ELMO1: variants seen among roughly 807,000 people sequenced by gnomAD.
The protein encoded by ELMO1 is engulfment and cell motility protein 1.
Under a neutral mutation model 98.9 loss-of-function variants are expected in ELMO1, and 26 were observed. The ratio of observed to expected loss-of-function variants is 0.26; its 90% CI spans 0.19 to 0.36. ELMO1 has a LOEUF of 0.36. Ranked by LOEUF, ELMO1 falls within the 10% of genes least tolerant of loss-of-function variation. The pLI is 1.00. For synonymous variants in ELMO1, 346 were observed against 346.0 expected (o/e 1.00, Z 0.00); for missense variants, 627 against 935.2 (o/e 0.67, Z 4.30).
rs542258868 is a variant in ELMO1 at position 37,139,658 on chromosome 7, T to C, written c.1087-6424A>G. On this transcript the variant is annotated intron_variant, in intron 13 of 21. Coordinates refer to ENST00000310758, the MANE Select transcript of ELMO1 (RefSeq NM_014800.11). The stretch of plus-strand genomic sequence containing the variant: ...CATACTGTCAAAAGCAGTTTACAAA[T>C]TCAATGCAATTCCTATCCAAATACC... Among the ~76,000 whole-genome samples, 3 of 152,186 alleles carry C rather than the reference T, an allele frequency of 2.0e-5. No individual in the cohort carries two copies. The South Asian group carries it at 6.2e-4, about 32-fold the overall frequency.
chr7:37,096,647 T>C lies in ELMO1; in HGVS notation c.1272A>G (p.Leu424=), dbSNP rs745983510. 2.5e-6 allele frequency: 4 copies of C among 1,614,020 alleles called. No homozygotes were observed. Among genetic ancestry groups the C allele is most frequent in the African/African-American group, 1.3e-5 (1 of 74,946 alleles). ...ACTCGCCCACTTTCAAGATCTCACATAGCATCTTGGTCAGCTCTATACTAC... is the reference window on the plus strand; with the variant it reads ...ACTCGCCCACTTTCAAGATCTCACACAGCATCTTGGTCAGCTCTATACTAC... ...GRSSIELTKM[L]CEILKVGELP... Residue 424 remains leucine, a synonymous_variant, in exon 15 of 22, where the codon CTA becomes CTG. Transcript: ENST00000310758.
chr7:37,013,345 T>A lies in ELMO1; in HGVS notation c.1391A>T (p.Asn464Ile). 6.2e-7 allele frequency: 1 copy of A among 1,614,118 alleles called. No individual in the cohort carries two copies. Among genetic ancestry groups the A allele is most frequent in the Admixed American group, 1.7e-5 (1 of 60,022 alleles). Residue 464 changes from asparagine (N) to isoleucine (I), a missense_variant, in exon 16 of 22, where the codon AAC becomes ATC. This residue lies in a region of ELMO1 where 492 missense variants were observed against 715.6 expected (regional missense o/e 0.69). Transcript: ENST00000310758. ...EFFCICIQLL[N>I]KTWKEMRATS... ...TGCCCTCATTTCCTTCCATGTCTTG[T>A]TCAGGAGCTGGATACAGATGCAGAA... is the stretch of plus-strand genomic sequence containing the variant.
intron 16 of ELMO1, among the ~76,000 whole-genome samples, chr7:37,010,088 G>A (rs1381790961): frequency 6.6e-6 from 1 of 152,170 alleles, no homozygotes; most frequent in Non-Finnish European, 1.5e-5. Context: ...AAAAAGGCTA[G>A]TGGAGGCGGA....
chr7:37,221,543 T>C (rs73108969), intron 10 of ELMO1, among the ~76,000 whole-genome samples: 181 of 152,118 alleles, frequency 1.2e-3, no homozygotes, highest in Middle Eastern at 3.4e-3. Flanking sequence ...GATTTTGAGG[T>C]GTGACCTAAA....
rs1801981624 is a variant in ELMO1 at position 36,853,356 on chromosome 7, C to T, written c.*2195G>A. On this transcript the variant is annotated 3_prime_UTR_variant, in exon 22 of 22. Transcript: ENST00000310758. ...CACAGGACAGATACATTTCTTAAAC[C>T]CAGTGTCTCAGGACCTCAGAGATCC... 6.6e-6 allele frequency among the ~76,000 whole-genome samples: 1 copy of T among 152,140 alleles called. No homozygotes were observed. Among genetic ancestry groups the T allele is most frequent in the Non-Finnish European group, 1.5e-5 (1 of 68,024 alleles).
chr7:37,159,220 G>A (rs62459284), intron 13 of ELMO1, among the ~76,000 whole-genome samples: 47,502 of 152,124 alleles, frequency 0.31, 9,159 homozygotes, highest in Non-Finnish European at 0.44. Context: ...GTTGATGGGT[G>A]CAGCAAACAA....
chr7:36,964,938 C>G (rs1789281907), intron 16 of ELMO1, among the ~76,000 whole-genome samples: 1 of 152,152 alleles, frequency 6.6e-6, no homozygotes, highest in African/African-American at 2.4e-5. Context: ...TACAAGTTCT[C>G]CAACTGGCCT....
intron 16 of ELMO1, among the ~76,000 whole-genome samples, chr7:36,922,261 C>G (rs927515547): frequency 5.6e-5 from 8 of 143,082 alleles, no homozygotes; most frequent in Middle Eastern, 3.8e-3. Context: ...TCAAAATTCA[C>G]AAAAGCTCAT....
intron 14 of ELMO1, among the ~76,000 whole-genome samples, chr7:37,123,225 A>G (rs1031707721): frequency 1.3e-5 from 2 of 152,210 alleles, no homozygotes; most frequent in Admixed American, 6.5e-5. Context: ...AATTTAAAGA[A>G]CTAGAGAAGC....
chr7:37,147,788 A>C (rs915055922), intron 13 of ELMO1, among the ~76,000 whole-genome samples: 4 of 152,060 alleles, frequency 2.6e-5, no homozygotes, highest in Non-Finnish European at 4.4e-5. Flanking sequence ...AGTGGCCAGA[A>C]AGAAGCAGAT....
At chr7:36,896,023 G>C (rs1204377123) in intron 16 of ELMO1, among the ~76,000 whole-genome samples, 1 of 152,190 alleles carries the variant, frequency 6.6e-6, no homozygotes, top group African/African-American at 2.4e-5. Flanking sequence ...TGGCTGAACT[G>C]GGACTGGATA....
intron 5 of ELMO1, among the ~76,000 whole-genome samples, chr7:37,267,038 TACACAC>T (rs60344761): frequency 0.13 from 13,194 of 100,238 alleles, 1,752 homozygotes; most frequent in Middle Eastern, 0.18. Context: ...TATGTATATA[TACACAC>T]ACACACACAC....
chr7:36,923,007 C>T (rs192036368), intron 16 of ELMO1, among the ~76,000 whole-genome samples: 45 of 152,312 alleles, frequency 3.0e-4, no homozygotes, highest in African/African-American at 1.1e-3. Flanking sequence ...CCCAGTCCCT[C>T]GTCTGGAAGG....
intron 1 of ELMO1, among the ~76,000 whole-genome samples, chr7:37,442,649 C>T (rs1206433474): frequency 6.6e-6 from 1 of 152,198 alleles, no homozygotes; most frequent in East Asian, 1.9e-4. Context: ...CATTGACTCT[C>T]AAAACTAAGG....
At chr7:37,073,579 T>C (rs1409176376) in intron 15 of ELMO1, among the ~76,000 whole-genome samples, 1 of 151,556 alleles carries the variant, frequency 6.6e-6, no homozygotes, top group Non-Finnish European at 1.5e-5. Context: ...TGTATGTGTG[T>C]GTGTGTGTGT....
intron 1 of ELMO1, among the ~76,000 whole-genome samples, chr7:37,428,908 G>T (rs1804816697): frequency 6.6e-6 from 1 of 152,198 alleles, no homozygotes; most frequent in Non-Finnish European, 1.5e-5. Flanking sequence ...AAATAGTGTG[G>T]GATGGTGCCA....
intron 16 of ELMO1, among the ~76,000 whole-genome samples, chr7:36,901,912 G>A (rs1783594847): frequency 6.6e-6 from 1 of 152,094 alleles, no homozygotes; most frequent in African/African-American, 2.4e-5. Context: ...AGGACAAATC[G>A]AACAGAATCG....
chr7:37,157,370 C>A (rs1286048862), intron 13 of ELMO1, among the ~76,000 whole-genome samples: 2 of 152,154 alleles, frequency 1.3e-5, no homozygotes, highest in African/African-American at 4.8e-5. Context: ...AAGAGGAAGT[C>A]AAATTGTCTC....
In ELMO1 at chr7:37,268,917, T is replaced by A. The variant is rs543797603; in HGVS notation, c.243+2915A>T. Among the ~76,000 whole-genome samples, 16 of 152,314 alleles carry A rather than the reference T, an allele frequency of 1.1e-4. No individual in the cohort carries two copies. The South Asian group carries it at 3.1e-3, about 30-fold the overall frequency. ...AAACTCAGCATAGCTACACGTTACA[T>A]AAAAACAGCAGTGTGTGTGTGTGCA... On this transcript the variant is annotated intron_variant, in intron 5 of 21. Coordinates refer to ENST00000310758, the MANE Select transcript of ELMO1 (RefSeq NM_014800.11).
Sources: allele counts gnomAD v4.1 joint callset (sites outside exome capture counted in the v4.1 genomes callset), GRCh38; gene constraint gnomAD v4.1.1; regional missense constraint gnomAD v4.1.1; transcripts MANE v1.5; gene names NCBI Gene and HGNC (gene_info 2026-07-23, HGNC 2026-07-21).